The following PCDHGA3 variants were observed in gnomAD, a reference collection of about 807,000 sequenced individuals.
The protein encoded by PCDHGA3 is protocadherin gamma subfamily A, 3, also known as protocadherin gamma-A3.
PCDHGA3 carries 40 observed loss-of-function variants against 58.5 expected under a neutral mutation model. The ratio of observed to expected loss-of-function variants is 0.68; its 90% CI spans 0.53 to 0.89. The LOEUF (loss-of-function observed/expected upper bound fraction) is 0.89. PCDHGA3 is among the 40% of genes least tolerant of loss of function. The probability of loss-of-function intolerance (pLI) is 0.00; values close to 1 mark genes in which losing one functional copy is unlikely to be tolerated. For missense variants in PCDHGA3, 1,223 were observed against 1,195.9 expected (o/e 1.02, Z -0.33); for synonymous variants, 530 against 525.7 (o/e 1.01, Z -0.11).
At position 141,345,253 on chromosome 5, in the gene PCDHGA3, C is replaced by T. The variant is rs1259196746; in HGVS notation, c.1220C>T (p.Ala407Val). 2 of 1,613,946 alleles carry T rather than the reference C, an allele frequency of 1.2e-6. No individual in the cohort carries two copies. Among genetic ancestry groups the T allele is most frequent in the Non-Finnish European group, 1.7e-6 (2 of 1,179,892 alleles). The stretch of plus-strand genomic sequence containing the variant: ...GATCAATATTACCGCTTAGTGACGG[C>T]CACATCCCTGGACCGCGAACAAATA... The part of the protein sequence containing the change: ...SIDQYYRLVT[A>V]TSLDREQISE... The change falls in exon 1 of 4, where the codon GCC (alanine) becomes GTC (valine). Residue 407 changes from alanine to valine, a missense_variant. Physicochemically the swap from Ala to Val is moderately conservative, Grantham distance 64. Coordinates refer to ENST00000253812, the MANE Select transcript of PCDHGA3 (RefSeq NM_018916.4).
Position 141,344,369 on chromosome 5 carries a change from T to A in PCDHGA3, c.336T>A (p.Asp112Glu). 1 of 1,613,586 alleles carries A rather than the reference T, an allele frequency of 6.2e-7. No individual in the cohort carries two copies. Among genetic ancestry groups the A allele is most frequent in the Non-Finnish European group, 8.5e-7 (1 of 1,179,778 alleles). ...TAAAAATTAACATTCTGGTTGAGGATAAATTGAAAATTTTTGAAGTAGAAA... is the reference window on the plus strand; with the variant it reads ...TAAAAATTAACATTCTGGTTGAGGAAAAATTGAAAATTTTTGAAGTAGAAA... ...CLVKINILVE[D>E]KLKIFEVEIE... is the part of the protein sequence containing the mutation. Residue 112 changes from aspartate (D) to glutamate (E), a missense_variant, in exon 1 of 4, where the codon GAT (aspartate) becomes GAA (glutamate). Asp to Glu is a conservative substitution (Grantham distance 45, BLOSUM62 2). This residue lies in a region of PCDHGA3 where 791 missense variants were observed against 708.5 expected (regional missense o/e 1.12). Coordinates refer to ENST00000253812, the MANE Select transcript of PCDHGA3 (RefSeq NM_018916.4).
At chr5:141,398,255 A>T (rs1244403375) in intron 1 of PCDHGA3, 1 of 1,457,928 alleles carries the variant, frequency 6.9e-7, no homozygotes, top group African/African-American at 1.4e-5. Context: ...GAAATGCCCA[A>T]GGGCTCCGTA....
chr5:141,352,821 C>G, intron 1 of PCDHGA3: 2 of 796,944 alleles, frequency 2.5e-6, no homozygotes, highest in Non-Finnish European at 3.9e-6. Context: ...AAAACCCGGT[C>G]TACTAAAATT....
chr5:141,417,709 C>T lies in PCDHGA3; in HGVS notation c.2424+71252C>T, dbSNP rs533902963. 1.5e-5 allele frequency: 18 copies of T among 1,238,872 alleles called. No individual in the cohort carries two copies. The East Asian group carries it at 1.8e-4, about 12-fold the overall frequency. 76.7% of individuals were successfully genotyped at this position (1,238,872 alleles called of 1,614,324 possible). ...AAGAAAACCAGCTCCCACACAGAGG[C>T]TCCCGGCTGCGCAGACCTTGCCCAG... On this transcript the variant is annotated intron_variant, in intron 1 of 3. Coordinates refer to ENST00000253812, the MANE Select transcript of PCDHGA3 (RefSeq NM_018916.4).
chr5:141,399,649 G>A (rs1325160100), intron 1 of PCDHGA3: 2 of 1,613,794 alleles, frequency 1.2e-6, no homozygotes, highest in East Asian at 2.2e-5. Flanking sequence ...CGCGCAAAGT[G>A]GGGTGGTGTT....
At chr5:141,381,947 A>G (rs957045552) in intron 1 of PCDHGA3, among the ~76,000 whole-genome samples, 2 of 146,392 alleles carry the variant, frequency 1.4e-5, no homozygotes, top group Non-Finnish European at 3.0e-5. Flanking sequence ...TTCCTGCCTC[A>G]GCCTCCTGAG....
chr5:141,355,759 G>A (rs769349934), intron 1 of PCDHGA3: 10 of 1,613,774 alleles, frequency 6.2e-6, no homozygotes, highest in Non-Finnish European at 1.7e-6. Context: ...AAGTGGGGCC[G>A]ATGGGATTAA....
intron 3 of PCDHGA3, among the ~76,000 whole-genome samples, chr5:141,505,926 G>T (rs114056147): frequency 6.6e-6 from 1 of 152,146 alleles, no homozygotes; most frequent in African/African-American, 2.4e-5. Flanking sequence ...TGGGCCTGGC[G>T]CTTGGAAGCC....
At chr5:141,402,854 C>T (rs1589466051) in intron 1 of PCDHGA3, 2 of 1,423,530 alleles carry the variant, frequency 1.4e-6, no homozygotes, top group East Asian at 2.5e-5. Flanking sequence ...CCTCTTTCTT[C>T]TAAGGAAAAG....
intron 1 of PCDHGA3, chr5:141,364,594 C>G: frequency 6.2e-7 from 1 of 1,614,188 alleles, no homozygotes; most frequent in Non-Finnish European, 8.5e-7. Context: ...TCACCGCGGG[C>G]AGGATAGACC....
rs1180521543 is a variant in PCDHGA3, at chr5:141,345,101, C to A, written c.1068C>A (p.Val356=). The A allele has an allele frequency of 6.2e-7, 1 of 1,613,832 alleles. No individual in the cohort carries two copies. The highest frequency in any genetic ancestry group is 8.5e-7 in the Non-Finnish European group (1 of 1,179,884). Reference sequence around the variant, plus strand: ...CAATCACGTCTCTCACAAGCTCAGTCCCAGAAGAGGGCACCGTTGGAAGAG... The same window carrying A: ...CAATCACGTCTCTCACAAGCTCAGTACCAGAAGAGGGCACCGTTGGAAGAG... ...EITITSLTSS[V]PEEGTVGREI... The change falls in exon 1 of 4, where the codon GTC becomes GTA. Residue 356 remains valine (V), a synonymous_variant. Transcript: ENST00000253812.
rs764710272 is a variant in PCDHGA3 at position 141,345,022 on chromosome 5, G to C, written c.989G>C (p.Arg330Thr). 2.5e-6 allele frequency: 4 copies of C among 1,613,788 alleles called. No individual in the cohort carries two copies. The highest frequency in any genetic ancestry group is 2.7e-5 in the African/African-American group (2 of 74,874). The stretch of plus-strand genomic sequence containing the variant: ...CAGGATGGACCAGGTCTTCTTTCAA[G>C]AGCCAAGATTCTAGTCACGGTTCTG... ...EAQDGPGLLSRAKILVTVLDV... is the reference protein window; with the variant it reads ...EAQDGPGLLSTAKILVTVLDV... The change falls in exon 1 of 4, where the codon AGA becomes ACA. Residue 330 changes from arginine (R) to threonine (T), a missense_variant. Coordinates refer to ENST00000253812, the MANE Select transcript of PCDHGA3 (RefSeq NM_018916.4).
Position 141,413,878 on chromosome 5 carries a change from A to G in PCDHGA3, c.2424+67421A>G, listed in dbSNP as rs752517949. ...ATCTGGCACTGTCCTTGTCAGTGTGACTGTCTTCGATGCAAATGACAACGC... is the reference window on the plus strand; with the variant it reads ...ATCTGGCACTGTCCTTGTCAGTGTGGCTGTCTTCGATGCAAATGACAACGC... On this transcript the variant is annotated intron_variant, in intron 1 of 3. Coordinates refer to ENST00000253812, the MANE Select transcript of PCDHGA3 (RefSeq NM_018916.4). 2.5e-6 allele frequency: 4 copies of G among 1,613,272 alleles called. No individual in the cohort carries two copies. The South Asian group carries it at 3.3e-5, about 13-fold the overall frequency.
chr5:141,474,188 T>C (rs1203777014), intron 1 of PCDHGA3, among the ~76,000 whole-genome samples: 1 of 152,216 alleles, frequency 6.6e-6, no homozygotes, highest in Non-Finnish European at 1.5e-5. Context: ...CTACTTACAT[T>C]TTTAAAAGCT....
intron 1 of PCDHGA3, chr5:141,423,752 G>GC: frequency 1.6e-6 from 1 of 644,956 alleles, no homozygotes; most frequent in East Asian, 1.1e-4. Context: ...AAACTGTTTG[G>GC]GGGGGGGGTG....
intron 1 of PCDHGA3, chr5:141,427,595 C>A: frequency 1.5e-6 from 1 of 681,870 alleles, no homozygotes; most frequent in Non-Finnish European, 2.7e-6. Flanking sequence ...CAAGCCTCAC[C>A]CTACGCATTG....
intron 1 of PCDHGA3, chr5:141,371,563 T>G: frequency 6.2e-7 from 1 of 1,613,806 alleles, no homozygotes; most frequent in Non-Finnish European, 8.5e-7. Context: ...AAAGGAAACT[T>G]CCCCTTTAAA....
At chr5:141,365,338 A>G in intron 1 of PCDHGA3, 1 of 1,614,022 alleles carries the variant, frequency 6.2e-7, no homozygotes, top group Non-Finnish European at 8.5e-7. Context: ...TGGTGGTCAC[A>G]GTACAGGACG....
rs61612330 is a variant in PCDHGA3 at position 141,454,796 on chromosome 5, A to ATTTTTTTTTTTTTTTTTTTTTTTTT, written c.2425-40006_2425-39982dup. ...AAGGAAATAATCCTCCATGGTTCTA[A>ATTTTTTTTTTTTTTTTTTTTTTTTT]TTTTTTTTTTTTTTTTTTTTTTTTT... On this transcript the variant is annotated intron_variant, in intron 1 of 3. Coordinates refer to ENST00000253812, the MANE Select transcript of PCDHGA3 (RefSeq NM_018916.4). Among the ~76,000 whole-genome samples, 7 of 77,408 alleles carry ATTTTTTTTTTTTTTTTTTTTTTTTT rather than the reference A, an allele frequency of 9.0e-5. 1 individual carries two copies. Among genetic ancestry groups the ATTTTTTTTTTTTTTTTTTTTTTTTT allele is most frequent in the East Asian group, 4.0e-4 (1 of 2,514 alleles). 50.8% of individuals were successfully genotyped at this position (77,408 alleles called of 152,430 possible). A position where few individuals can be genotyped will look rare whatever the true frequency, so the allele number is the denominator to read the frequency against.
Sources: allele counts gnomAD v4.1 joint callset (sites outside exome capture counted in the v4.1 genomes callset), GRCh38; gene constraint gnomAD v4.1.1; regional missense constraint gnomAD v4.1.1; transcripts MANE v1.5; gene names NCBI Gene and HGNC (gene_info 2026-07-23, HGNC 2026-07-21).